The following COL21A1 variants were observed in gnomAD, a reference collection of about 807,000 sequenced individuals.
The protein encoded by COL21A1 is collagen alpha-1(XXI) chain.
A neutral mutation model predicts 137.9 loss-of-function variants in COL21A1; 149 were observed. The ratio of observed to expected loss-of-function variants is 1.08; its 90% CI spans 0.95 to 1.24. COL21A1 has a LOEUF of 1.24. Among genes scored for constraint, COL21A1 ranks in the 50% most tolerant of loss-of-function variants. The pLI is 0.00. For synonymous variants in COL21A1, 456 were observed against 391.5 expected (o/e 1.16, Z -1.95); for missense variants, 1,167 against 1,158.4 (o/e 1.01, Z -0.11).
chr6:56,205,319 C>T (rs571141931), intron 1 of COL21A1, among the ~76,000 whole-genome samples: 2 of 152,044 alleles, frequency 1.3e-5, no homozygotes, highest in Non-Finnish European at 1.5e-5. Flanking sequence ...AAACACAGGA[C>T]GAGAACTTCG....
intron 1 of COL21A1, among the ~76,000 whole-genome samples, chr6:56,267,070 T>C (rs1763409239): frequency 6.6e-6 from 1 of 152,212 alleles, no homozygotes; most frequent in Admixed American, 6.5e-5. Flanking sequence ...TTAATCTTAA[T>C]TCTCTATATG....
intron 12 of COL21A1, among the ~76,000 whole-genome samples, chr6:56,129,012 C>T (rs139487369): frequency 6.6e-6 from 1 of 152,282 alleles, no homozygotes; most frequent in East Asian, 1.9e-4. Flanking sequence ...GCTAGAGACC[C>T]TCAGCTTTCT....
At chr6:56,164,298 T>A in intron 9 of COL21A1, 125 bp downstream of exon 9, 1 of 690,446 alleles carries the variant, frequency 1.4e-6, no homozygotes, top group Non-Finnish European at 2.5e-6. Flanking sequence ...AAAACTGAGG[T>A]TTTAAACTCT....
chr6:56,329,139 G>A (rs1328151753), intron 1 of COL21A1, among the ~76,000 whole-genome samples: 1 of 152,098 alleles, frequency 6.6e-6, no homozygotes, highest in East Asian at 1.9e-4. Context: ...ACGGTGTAAG[G>A]CATATAGTAC....
intron 1 of COL21A1, among the ~76,000 whole-genome samples, chr6:56,354,240 G>C (rs879783435): frequency 7.9e-5 from 12 of 152,192 alleles, no homozygotes; most frequent in Non-Finnish European, 1.5e-4. Context: ...TGACCAGAAA[G>C]GGCAAACAGT....
rs549798399 is a variant in COL21A1 at position 56,132,067 on chromosome 6, A to T, written c.1543-5918T>A. 4.1e-5 allele frequency among the ~76,000 whole-genome samples: 6 copies of T among 146,186 alleles called. No individual in the cohort carries two copies. In the South Asian group the frequency reaches 1.3e-3, roughly 32 times the overall value. ...AAATGAATTCACTTGGTGCTTTAAA[A>T]ATATAAAAAATAAATAGCTTTTTAT... On this transcript the variant is annotated intron_variant, in intron 12 of 29. Coordinates refer to ENST00000244728, the MANE Select transcript of COL21A1 (RefSeq NM_030820.4).
chr6:56,297,588 T>C (rs987431421), intron 1 of COL21A1, among the ~76,000 whole-genome samples: 2 of 152,128 alleles, frequency 1.3e-5, no homozygotes, highest in African/African-American at 4.8e-5. Flanking sequence ...CTGTAACTTA[T>C]TTGGCTTCAT....
intron 1 of COL21A1, among the ~76,000 whole-genome samples, chr6:56,246,507 A>C (rs1022625107): frequency 1.3e-5 from 2 of 152,096 alleles, no homozygotes; most frequent in Admixed American, 1.3e-4. Flanking sequence ...TCTACTAATA[A>C]ATAACTAAGG....
chr6:56,192,860 T>A (rs570352757), intron 1 of COL21A1, among the ~76,000 whole-genome samples: 1 of 152,330 alleles, frequency 6.6e-6, no homozygotes, highest in African/African-American at 2.4e-5. Context: ...TAGGTACATA[T>A]GCACACGTAT....
chr6:56,157,066 CA>C lies in COL21A1; in HGVS notation c.1372-118del, dbSNP rs1034169033. 7.0e-5 allele frequency: 26 copies of C among 373,500 alleles called. No individual in the cohort carries two copies. The Admixed American group carries it at 1.3e-3, about 18-fold the overall frequency. 23.1% of individuals were successfully genotyped at this position (373,500 alleles called of 1,614,324 possible). A position where few individuals can be genotyped will look rare whatever the true frequency, so the allele number is the denominator to read the frequency against. ...TTTGAGGTTTTTTGTATGTTAAAAACAAAAGTAAAAAAAAAAAGCCATATTT... is the reference window on the plus strand; with the variant it reads ...TTTGAGGTTTTTTGTATGTTAAAAACAAAGTAAAAAAAAAAAGCCATATTT... On this transcript the variant is annotated intron_variant, in intron 9 of 29. Transcript: ENST00000244728.
chr6:56,109,776 G>T (rs545355590), intron 16 of COL21A1, among the ~76,000 whole-genome samples: 1 of 152,104 alleles, frequency 6.6e-6, no homozygotes, highest in Admixed American at 6.5e-5. Flanking sequence ...CAAGTTAAAT[G>T]ATATGGACAA....
chr6:56,337,209 C>T (rs570096347), intron 1 of COL21A1, among the ~76,000 whole-genome samples: 8 of 152,222 alleles, frequency 5.3e-5, no homozygotes, highest in East Asian at 3.9e-4. Context: ...GGACAATGAA[C>T]CTTTTTAATT....
At chr6:56,263,105 A>T (rs1436415967) in intron 1 of COL21A1, among the ~76,000 whole-genome samples, 1 of 152,216 alleles carries the variant, frequency 6.6e-6, no homozygotes, top group Non-Finnish European at 1.5e-5. Context: ...AAGAATGCAG[A>T]CTCCACAAAA....
rs545860371 is a variant in COL21A1, at chr6:56,060,900, A to C, written c.2343T>G (p.Asp781Glu). 1 of 1,578,714 alleles carries C rather than the reference A, an allele frequency of 6.3e-7. No homozygotes were observed. Among genetic ancestry groups the C allele is most frequent in the East Asian group, 2.3e-5 (1 of 43,122 alleles). The stretch of plus-strand genomic sequence containing the variant: ...GAAGCAGAATACATACGGGCTTCCC[A>C]TCCAAACCTGGGGGTCCCTGAGGAC... ...DPGPQGPPGL[D>E]GKPGREFSEQ... is the part of the protein sequence containing the mutation. Residue 781 changes from aspartate to glutamate, a missense_variant, in exon 26 of 30, where the codon GAT becomes GAG. Coordinates refer to ENST00000244728, the MANE Select transcript of COL21A1 (RefSeq NM_030820.4).
chr6:56,262,730 G>C (rs1411997983), intron 1 of COL21A1, among the ~76,000 whole-genome samples: 22 of 152,070 alleles, frequency 1.4e-4, no homozygotes, highest in Admixed American at 1.4e-3. Flanking sequence ...GAGATTCAGG[G>C]AGGTCAAAAA....
chr6:56,203,945 G>A (rs540455329), intron 1 of COL21A1, among the ~76,000 whole-genome samples: 1 of 152,152 alleles, frequency 6.6e-6, no homozygotes, highest in African/African-American at 2.4e-5. Context: ...CCCAGATACT[G>A]CACTTTTCCC....
chr6:56,336,308 T>C (rs536446528), intron 1 of COL21A1, among the ~76,000 whole-genome samples: 218 of 152,334 alleles, frequency 1.4e-3, no homozygotes, highest in Non-Finnish European at 2.4e-3. Context: ...CTAATTCCTA[T>C]ATAATTTAAG....
At chr6:56,127,529 T>G (rs1368952963) in intron 12 of COL21A1, among the ~76,000 whole-genome samples, 1 of 152,202 alleles carries the variant, frequency 6.6e-6, no homozygotes, top group Non-Finnish European at 1.5e-5. Context: ...GAATATAATA[T>G]CCAATGGCTT....
chr6:56,255,126 T>C (rs2152329733), intron 1 of COL21A1, among the ~76,000 whole-genome samples: 1 of 152,312 alleles, frequency 6.6e-6, no homozygotes, highest in East Asian at 1.9e-4. Context: ...TGAAATGATG[T>C]CTATGGCTCT....
Sources: gnomAD v4.1 joint callset for allele counts (sites outside exome capture counted in the v4.1 genomes callset) on GRCh38, gnomAD v4.1.1 for gene constraint, MANE v1.5 for transcripts, NCBI Gene and HGNC (gene_info 2026-07-23, HGNC 2026-07-21) for gene names.